The following POGZ variants were observed in gnomAD, a reference collection of about 807,000 sequenced individuals.
POGZ encodes pogo transposable element with ZNF domain.
Under a neutral mutation model 134.6 loss-of-function variants are expected in POGZ, and 17 were observed. The observed-to-expected ratio is 0.13, with a 90% CI of 0.09 to 0.19. The LOEUF is 0.19. POGZ is among the 10% of genes least tolerant of loss of function. The pLI is 1.00. For missense variants in POGZ, 1,306 were observed against 1,769.7 expected (o/e 0.74, Z 4.70); for synonymous variants, 693 against 657.1 (o/e 1.05, Z -0.84).
At chr1:151,457,605 C>T (rs1477050511) in intron 1 of POGZ, among the ~76,000 whole-genome samples, 1 of 152,202 alleles carries the variant, frequency 6.6e-6, no homozygotes, top group Admixed American at 6.5e-5. Context: ...CTCCGTTTCC[C>T]TTTCCTCTAG....
chr1:151,430,938 ATTTTATTTT>A lies in POGZ; in HGVS notation c.284-106_284-98del, dbSNP rs936066553. 4 of 707,008 alleles carry A rather than the reference ATTTTATTTT, an allele frequency of 5.7e-6. No individual in the cohort carries two copies. The African/African-American group carries it at 7.9e-5, about 14-fold the overall frequency. The allele number at this position is 707,008 out of a possible 1,614,324, so 43.8% of individuals were successfully genotyped here. A position where few individuals can be genotyped will look rare whatever the true frequency, so the allele number is the denominator to read the frequency against. ...ATTTTATTTTATTTTATTTTATTTT[ATTTTATTTT>A]ATTTGATACAGGGTCTCACACTCTG... On this transcript the variant is annotated intron_variant, in intron 3 of 18. Coordinates refer to ENST00000271715, the MANE Select transcript of POGZ (RefSeq NM_015100.4).
intron 12 of POGZ, among the ~76,000 whole-genome samples, chr1:151,410,292 C>T (rs1321259076): frequency 6.6e-6 from 1 of 152,196 alleles, no homozygotes; most frequent in Non-Finnish European, 1.5e-5. Flanking sequence ...TCTTTAAATA[C>T]ATCGTCTTCA....
intron 12 of POGZ, among the ~76,000 whole-genome samples, chr1:151,410,053 T>C (rs1654399670): frequency 6.6e-6 from 1 of 152,234 alleles, no homozygotes; most frequent in Admixed American, 6.5e-5. Flanking sequence ...TGTGTGCATA[T>C]GTATGTGACT....
Position 151,442,111 on chromosome 1 carries a change from C to A in POGZ, c.94G>T (p.Asp32Tyr), listed in dbSNP as rs1265917610. 3 of 1,604,692 alleles carry A rather than the reference C, an allele frequency of 1.9e-6. No individual in the cohort carries two copies. The highest frequency in any genetic ancestry group is 2.6e-6 in the Non-Finnish European group (3 of 1,171,570). Reference sequence around the variant, plus strand: ...GTAGTTTTATCCACTGAATTATAATCTTCAACTACAGAGTCCTCAATGACA... The same window carrying A: ...GTAGTTTTATCCACTGAATTATAATATTCAACTACAGAGTCCTCAATGACA... ...SDVIEDSVVE[D>Y]YNSVDKTTTV... The change falls in exon 2 of 19, where the codon GAT becomes TAT. Residue 32 changes from aspartate to tyrosine, a missense_variant. Asp to Tyr is a radical substitution (Grantham distance 160). Coordinates refer to ENST00000271715, the MANE Select transcript of POGZ (RefSeq NM_015100.4).
At chr1:151,419,692 A>AC (rs1161370480) in intron 10 of POGZ, among the ~76,000 whole-genome samples, 4 of 149,528 alleles carry the variant, frequency 2.7e-5, no homozygotes, top group Admixed American at 1.3e-4. Context: ...AAAAAAAAAA[A>AC]AAACTACTTT....
chr1:151,445,917 T>C (rs1661192802), intron 1 of POGZ, among the ~76,000 whole-genome samples: 1 of 152,140 alleles, frequency 6.6e-6, no homozygotes, highest in African/African-American at 2.4e-5. Flanking sequence ...CTTGTAGTTT[T>C]CTAGTTATCA....
rs1046926963 is a variant in POGZ, at chr1:151,439,521, C to T, written c.283+1407G>A. On this transcript the variant is annotated intron_variant, in intron 3 of 18. Transcript: ENST00000271715. Reference sequence around the variant, plus strand: ...ACAACGTCTATCAAATTATAAACACCTGATCCAGCAAATCTCACCTCTAAG... The same window carrying T: ...ACAACGTCTATCAAATTATAAACACTTGATCCAGCAAATCTCACCTCTAAG... 3.6e-4 allele frequency among the ~76,000 whole-genome samples: 55 copies of T among 152,272 alleles called. 1 individual carries two copies. Among genetic ancestry groups the T allele is most frequent in the Non-Finnish European group, 1.5e-5 (1 of 68,006 alleles).
At chr1:151,415,426 G>A (rs1470130758) in intron 10 of POGZ, among the ~76,000 whole-genome samples, 1 of 152,164 alleles carries the variant, frequency 6.6e-6, no homozygotes, top group East Asian at 1.9e-4. Context: ...AGCACTTTGG[G>A]AGGCCGAGGC....
intron 10 of POGZ, among the ~76,000 whole-genome samples, chr1:151,417,723 CACACACAA>C (rs1186891786): frequency 3.2e-3 from 432 of 136,342 alleles, no homozygotes; most frequent in African/African-American, 0.013. Context: ...CACACACACA[CACACACAA>C]AAGGCCTTAT....
At chr1:151,435,830 C>A (rs1659482648) in intron 3 of POGZ, among the ~76,000 whole-genome samples, 1 of 151,976 alleles carries the variant, frequency 6.6e-6, no homozygotes, top group South Asian at 2.1e-4. Flanking sequence ...ACACAAAAAA[C>A]CAAACCCAGC....
intron 10 of POGZ, among the ~76,000 whole-genome samples, chr1:151,419,688 A>AAC (rs1553221682): frequency 2.7e-5 from 4 of 149,228 alleles, no homozygotes; most frequent in South Asian, 2.1e-4. Context: ...AAAAAAAAAA[A>AAC]AAAAAAACTA....
chr1:151,415,897 G>C (rs898900055), intron 10 of POGZ, among the ~76,000 whole-genome samples: 1 of 151,906 alleles, frequency 6.6e-6, no homozygotes, highest in Non-Finnish European at 1.5e-5. Flanking sequence ...TAAGATTTCT[G>C]TATTAGACAT....
At chr1:151,438,859 A>T (rs1013890409) in intron 3 of POGZ, 1 of 152,224 alleles carries the variant, frequency 6.6e-6, no homozygotes, top group Admixed American at 6.6e-5. Context: ...CGTGGGTGAC[A>T]AAGTGAGATC....
At position 151,404,658 on chromosome 1, in the gene POGZ, A is replaced by C. The variant is rs2102137897; in HGVS notation, c.*144T>G. On this transcript the variant is annotated 3_prime_UTR_variant, in exon 19 of 19. Coordinates refer to ENST00000271715, the MANE Select transcript of POGZ (RefSeq NM_015100.4). ...ATCCACAAATCCACAGGGAAGTGTA[A>C]GTCAACTTCAGGGGGGAGTGGTGGT... 1 of 1,400,528 alleles carries C rather than the reference A, an allele frequency of 7.1e-7. No individual in the cohort carries two copies. Among genetic ancestry groups the C allele is most frequent in the Non-Finnish European group, 9.2e-7 (1 of 1,081,328 alleles). 86.8% of individuals were successfully genotyped at this position (1,400,528 alleles called of 1,614,324 possible). A position where few individuals can be genotyped will look rare whatever the true frequency, so the allele number is the denominator to read the frequency against.
At chr1:151,406,548 A>AATT in intron 18 of POGZ, 59 bp downstream of exon 18, 1 of 1,551,176 alleles carries the variant, frequency 6.4e-7, no homozygotes, top group Non-Finnish European at 8.7e-7. Flanking sequence ...TAATAATAAT[A>AATT]ATAACAGAGT....
At chr1:151,452,122 A>AG (rs1662181358) in intron 1 of POGZ, among the ~76,000 whole-genome samples, 1 of 144,738 alleles carries the variant, frequency 6.9e-6, no homozygotes, top group African/African-American at 2.6e-5. Context: ...AAAAAAAAAA[A>AG]GTCAATGTTG....
At chr1:151,406,570 A>G (rs757230141) in intron 18 of POGZ, 37 bp downstream of exon 18, 1 of 1,603,494 alleles carries the variant, frequency 6.2e-7, no homozygotes, top group Non-Finnish European at 8.5e-7. Flanking sequence ...AACACACTGC[A>G]AACCAGAAAT....
At chr1:151,409,223 T>C (rs1361920342) in intron 12 of POGZ, among the ~76,000 whole-genome samples, 1 of 151,810 alleles carries the variant, frequency 6.6e-6, no homozygotes, top group Non-Finnish European at 1.5e-5. Context: ...AAAGTCATAC[T>C]TTTTTTTCTA....
chr1:151,434,611 T>TCAC (rs1172224581), intron 3 of POGZ, among the ~76,000 whole-genome samples: 2 of 152,138 alleles, frequency 1.3e-5, no homozygotes, highest in Non-Finnish European at 2.9e-5. Flanking sequence ...TGAGACAGAG[T>TCAC]CTTGCTCTGT....
Sources: gnomAD v4.1 joint callset for allele counts (sites outside exome capture counted in the v4.1 genomes callset) on GRCh38, gnomAD v4.1.1 for gene constraint, MANE v1.5 for transcripts, NCBI Gene and HGNC (gene_info 2026-07-23, HGNC 2026-07-21) for gene names.